The following DSCC1 variants were observed in gnomAD, a reference collection of about 807,000 sequenced individuals.
DSCC1 encodes the protein sister chromatid cohesion protein DCC1.
In DSCC1, 32 loss-of-function variants were observed where a neutral mutation model predicts 48.2. The ratio of observed to expected loss-of-function variants is 0.66; its 90% CI spans 0.50 to 0.89. DSCC1 has a LOEUF of 0.89. Among genes scored for constraint, DSCC1 ranks in the 40% least tolerant of loss-of-function variants. The pLI, the probability that DSCC1 is intolerant of heterozygous loss-of-function variation, is 0.00. For synonymous variants in DSCC1, 150 were observed against 171.5 expected, an observed-to-expected ratio of 0.87 and a Z score of 0.98; for missense variants, 421 against 471.7, an observed-to-expected ratio of 0.89 and a Z score of 1.00.
chr8:119,855,570 C>T (rs1047693684), intron 1 of DSCC1, 44 bp downstream of exon 1: 29 of 1,515,980 alleles, frequency 1.9e-5, no homozygotes, highest in Non-Finnish European at 2.6e-5. Flanking sequence ...GAGAAAATAA[C>T]GTGGCCGGCC....
At chr8:119,835,092 G>C in intron 8 of DSCC1, 91 bp from the exon 9 acceptor site, 1 of 845,056 alleles carries the variant, frequency 1.2e-6, no homozygotes, top group Non-Finnish European at 1.8e-6. Context: ...CTCTCCCCCT[G>C]AATCTGTCTT....
chr8:119,837,307 G>C (rs1480809963), intron 8 of DSCC1, among the ~76,000 whole-genome samples: 1 of 152,170 alleles, frequency 6.6e-6, no homozygotes, highest in Non-Finnish European at 1.5e-5. Context: ...AGAAGGATTG[G>C]CCTTAGGAGC....
At chr8:119,842,169 G>A (rs1194567145) in intron 6 of DSCC1, among the ~76,000 whole-genome samples, 1 of 151,944 alleles carries the variant, frequency 6.6e-6, no homozygotes, top group African/African-American at 2.4e-5. Context: ...CACCTCTTGG[G>A]TTCAAGTGAT....
chr8:119,852,040 G>C (rs1378664502), intron 2 of DSCC1, among the ~76,000 whole-genome samples: 2 of 152,110 alleles, frequency 1.3e-5, no homozygotes, highest in African/African-American at 4.8e-5. Context: ...ATATTTACTG[G>C]ATGTTCCTCT....
rs1355476953 is a variant in DSCC1 at position 119,834,129 on chromosome 8, C to T, written c.*764G>A. 4 of 152,134 alleles carry T rather than the reference C, an allele frequency of 2.6e-5. No homozygotes were observed. The highest frequency in any genetic ancestry group is 4.4e-5 in the Non-Finnish European group (3 of 68,024). The allele number at this position is 152,134 out of a possible 1,614,324, so 9.4% of individuals were successfully genotyped here. A position where few individuals can be genotyped will look rare whatever the true frequency, so the allele number is the denominator to read the frequency against. ...TTTTGAAACGTGGACCATTTAACCT[C>T]GGCCTACCCCCTCCAACTGTCCTGG... On this transcript the variant is annotated 3_prime_UTR_variant, in exon 9 of 9. Coordinates refer to ENST00000313655, the MANE Select transcript of DSCC1 (RefSeq NM_024094.3).
At chr8:119,852,509 A>G (rs1306593022) in intron 2 of DSCC1, among the ~76,000 whole-genome samples, 3 of 152,056 alleles carry the variant, frequency 2.0e-5, no homozygotes, top group East Asian at 3.9e-4. Context: ...GCACGCCACC[A>G]CGCTTGGCTA....
In DSCC1 at chr8:119,838,138, A is replaced by G; in HGVS notation, c.1073+121T>C. The G allele has an allele frequency of 5.6e-6, 6 of 1,076,470 alleles. No individual in the cohort carries two copies. In the East Asian group the frequency reaches 1.7e-4, roughly 30 times the overall value. 66.7% of individuals were successfully genotyped at this position (1,076,470 alleles called of 1,614,324 possible). On this transcript the variant is annotated intron_variant, in intron 8 of 8. Transcript: ENST00000313655. ...AGACAGCCACCACCTAAGAGTTTCT[A>G]GGGAAGCAGTATCCTCAGGGAATAC...
Position 119,835,231 on chromosome 8 carries a change from G to A in DSCC1, c.1074-230C>T, listed in dbSNP as rs140925779. ...ACACAATAAAAGTAGGAGTAGGCCA[G>A]GCGGGTGGCTCACGCCTGTAATCCC... On this transcript the variant is annotated intron_variant, in intron 8 of 8. Coordinates refer to ENST00000313655, the MANE Select transcript of DSCC1 (RefSeq NM_024094.3). Among the ~76,000 whole-genome samples, 786 of 152,322 alleles carry A rather than the reference G, an allele frequency of 5.2e-3. 3 individuals carry two copies. The highest frequency in any genetic ancestry group is 0.013 in the South Asian group (65 of 4,832).
chr8:119,840,723 C>A (rs954293943), intron 7 of DSCC1, among the ~76,000 whole-genome samples: 9 of 151,874 alleles, frequency 5.9e-5, no homozygotes, highest in African/African-American at 2.2e-4. Context: ...ACCAGCCTGG[C>A]CAACATGGCG....
intron 7 of DSCC1, 104 bp from the exon 8 acceptor site, chr8:119,838,511 A>T: frequency 1.5e-6 from 2 of 1,330,522 alleles, no homozygotes; most frequent in Non-Finnish European, 2.0e-6. Flanking sequence ...GATATTCAAA[A>T]TGTCAGCTAC....
At chr8:119,842,706 C>A in intron 6 of DSCC1, 70 bp downstream of exon 6, 1 of 1,430,954 alleles carries the variant, frequency 7.0e-7, no homozygotes, top group Non-Finnish European at 9.8e-7. Flanking sequence ...TTTTTAACAC[C>A]GACAGGCTTT....
At chr8:119,849,311 C>T (rs903894680) in intron 3 of DSCC1, among the ~76,000 whole-genome samples, 1 of 151,790 alleles carries the variant, frequency 6.6e-6, no homozygotes, top group Non-Finnish European at 1.5e-5. Context: ...GAGGCTGAGG[C>T]AGGAGAATCA....
intron 7 of DSCC1, 34 bp from the exon 8 acceptor site, chr8:119,838,441 G>A (rs1188814353): frequency 2.0e-6 from 3 of 1,514,252 alleles, no homozygotes; most frequent in African/African-American, 2.8e-5. Context: ...AGCAGTTAAA[G>A]TAATGTTGTA....
chr8:119,852,594 A>G lies in DSCC1; in HGVS notation c.351+453T>C, dbSNP rs1826956153. ...AGTCTCAAACTCCTGAGGTCCGACA[A>G]TCGGCACACCTTGGCCTCCCAAAGT... On this transcript the variant is annotated intron_variant, in intron 2 of 8. Coordinates refer to ENST00000313655, the MANE Select transcript of DSCC1 (RefSeq NM_024094.3). Among the ~76,000 whole-genome samples the G allele has an allele frequency of 2.0e-5, 3 of 152,158 alleles. No homozygotes were observed. The South Asian group carries it at 6.2e-4, about 31-fold the overall frequency.
intron 7 of DSCC1, among the ~76,000 whole-genome samples, chr8:119,840,865 T>C (rs1434738087): frequency 2.6e-5 from 4 of 151,300 alleles, no homozygotes; most frequent in Admixed American, 6.6e-5. Context: ...TGAGCCGAGA[T>C]TGAGCCACTG....
In DSCC1 at chr8:119,853,074, A is replaced by C; in HGVS notation, c.324T>G (p.Asp108Glu). 2 of 1,613,780 alleles carry C rather than the reference A, an allele frequency of 1.2e-6. No homozygotes were observed. The highest frequency in any genetic ancestry group is 1.7e-6 in the Non-Finnish European group (2 of 1,179,764). ...CKTPDQLKKE[D>E]SHCNIIHTEI... ...CAGTGTGAATAATGTTACAGTGTGA[A>C]TCTTCCTTCTTCAACTGGTCCGGAG... Residue 108 changes from aspartate (D) to glutamate (E), a missense_variant, in exon 2 of 9, where the codon GAT (aspartate) becomes GAG (glutamate). Coordinates refer to ENST00000313655, the MANE Select transcript of DSCC1 (RefSeq NM_024094.3).
intron 4 of DSCC1, 137 bp from the exon 5 acceptor site, chr8:119,843,884 C>T: frequency 1.2e-6 from 1 of 826,954 alleles, no homozygotes; most frequent in South Asian, 1.8e-5. Flanking sequence ...TCAAGCAATT[C>T]TGCCATCTCA....
chr8:119,848,902 C>T (rs561832853), intron 3 of DSCC1, among the ~76,000 whole-genome samples: 25 of 151,868 alleles, frequency 1.6e-4, no homozygotes, highest in Admixed American at 8.5e-4. Flanking sequence ...CTAGCCTGGC[C>T]GGCCGGGCGC....
chr8:119,843,843 C>T, intron 4 of DSCC1, 96 bp from the exon 5 acceptor site: 1 of 1,284,272 alleles, frequency 7.8e-7, no homozygotes, highest in African/African-American at 1.5e-5. Flanking sequence ...GTGGCGTGAT[C>T]TCAGCTCATC....
Sources: allele counts gnomAD v4.1 joint callset (sites outside exome capture counted in the v4.1 genomes callset), GRCh38; gene constraint gnomAD v4.1.1; transcripts MANE v1.5; gene names NCBI Gene and HGNC (gene_info 2026-07-23, HGNC 2026-07-21).